The following GLRA1 variants were observed in gnomAD, a reference collection of about 807,000 sequenced individuals.
GLRA1 encodes glycine receptor alpha 1, also known as glycine receptor subunit alpha-1.
GLRA1 carries 37 observed loss-of-function variants against 48.3 expected under a neutral mutation model. That is an observed-to-expected ratio of 0.77 (90% CI 0.59 to 1.01). The LOEUF is 1.01. Ranked by LOEUF, GLRA1 falls within the 50% of genes least tolerant of loss-of-function variation. The pLI, the probability that GLRA1 is intolerant of heterozygous loss-of-function variation, is 0.00. For missense variants in GLRA1, 427 were observed against 571.0 expected (o/e 0.75, Z 2.57); for synonymous variants, 196 against 210.7 (o/e 0.93, Z 0.60).
At chr5:151,835,738 G>A (rs1561548987) in intron 7 of GLRA1, among the ~76,000 whole-genome samples, 1 of 152,124 alleles carries the variant, frequency 6.6e-6, no homozygotes, top group Non-Finnish European at 1.5e-5. Flanking sequence ...ATGCAGAAAA[G>A]GCCTTTGATA....
At chr5:151,869,650 G>A (rs1241500502) in intron 3 of GLRA1, among the ~76,000 whole-genome samples, 1 of 149,742 alleles carries the variant, frequency 6.7e-6, no homozygotes, top group Admixed American at 6.6e-5. Context: ...GGAAGGTGGT[G>A]GTTGCAGTGA....
At chr5:151,823,318 T>TA (rs895873951) in intron 8 of GLRA1, among the ~76,000 whole-genome samples, 46 of 152,314 alleles carry the variant, frequency 3.0e-4, no homozygotes, top group African/African-American at 1.1e-3. Flanking sequence ...ACCTGGGGGA[T>TA]AAGATTCTCC....
intron 1 of GLRA1, 151 bp downstream of exon 1, chr5:151,924,343 G>C (rs1231826828): frequency 6.0e-6 from 4 of 669,668 alleles, no homozygotes; most frequent in South Asian, 5.0e-5. Flanking sequence ...GGTGGGAGGG[G>C]GGAGAAGGGA....
rs567545446 is a variant in GLRA1 at position 151,918,912 on chromosome 5, A to G, written c.56+5582T>C. ...TGCATTAAAAAAAATCTATGAATCTATGAATTTACTCTGATTCTTCTCTTG... is the reference window on the plus strand; with the variant it reads ...TGCATTAAAAAAAATCTATGAATCTGTGAATTTACTCTGATTCTTCTCTTG... On this transcript the variant is annotated intron_variant, in intron 1 of 8. Coordinates refer to ENST00000274576, the MANE Select transcript of GLRA1 (RefSeq NM_000171.4). Among the ~76,000 whole-genome samples, 4 of 152,288 alleles carry G rather than the reference A, an allele frequency of 2.6e-5. No homozygotes were observed. The South Asian group carries it at 8.3e-4, about 32-fold the overall frequency.
chr5:151,844,025 C>T (rs929346263), intron 7 of GLRA1, among the ~76,000 whole-genome samples: 1 of 152,034 alleles, frequency 6.6e-6, no homozygotes, highest in Non-Finnish European at 1.5e-5. Flanking sequence ...CAAAAATTAG[C>T]CAGGTGTGGT....
At chr5:151,872,687 A>G (rs1481081432) in intron 3 of GLRA1, among the ~76,000 whole-genome samples, 1 of 150,000 alleles carries the variant, frequency 6.7e-6, no homozygotes, top group East Asian at 1.9e-4. Flanking sequence ...ATGTCTCCAT[A>G]CCATGGAATT....
At chr5:151,848,851 G>A (rs904229461) in intron 7 of GLRA1, 10 of 571,288 alleles carry the variant, frequency 1.8e-5, no homozygotes, top group African/African-American at 7.5e-5. Context: ...ACCTTTACCC[G>A]CCCGCCTGCT....
chr5:151,886,040 A>G (rs1753896250), intron 3 of GLRA1, among the ~76,000 whole-genome samples: 3 of 152,226 alleles, frequency 2.0e-5, no homozygotes, highest in African/African-American at 7.2e-5. Context: ...CTTCCTTAAC[A>G]TAAGTACAAT....
rs1174240284 is a variant in GLRA1, at chr5:151,894,963, A to G, written c.57-2525T>C. Among the ~76,000 whole-genome samples, 2 of 152,296 alleles carry G rather than the reference A, an allele frequency of 1.3e-5. 1 individual carries two copies. The highest frequency in any genetic ancestry group is 1.3e-4 in the Admixed American group (2 of 15,298). Reference sequence around the variant, plus strand: ...CTCATATCCTGGGGAACTAATTTTGATGGACAGGGTGAGGAACAAATGCAC... The same window carrying G: ...CTCATATCCTGGGGAACTAATTTTGGTGGACAGGGTGAGGAACAAATGCAC... On this transcript the variant is annotated intron_variant, in intron 1 of 8. Coordinates refer to ENST00000274576, the MANE Select transcript of GLRA1 (RefSeq NM_000171.4).
At chr5:151,878,998 T>C (rs1023369103) in intron 3 of GLRA1, among the ~76,000 whole-genome samples, 13 of 152,180 alleles carry the variant, frequency 8.5e-5, no homozygotes, top group Non-Finnish European at 1.5e-4. Context: ...GAATGGTAGA[T>C]CCACTGACAA....
intron 7 of GLRA1, among the ~76,000 whole-genome samples, chr5:151,835,027 CAAAAAA>C (rs60718344): frequency 4.4e-4 from 23 of 52,530 alleles, no homozygotes; most frequent in South Asian, 1.6e-3. Context: ...GACAACATCT[CAAAAAA>C]AAAAAAAAAA....
rs940800574 is a variant in GLRA1 at position 151,924,567 on chromosome 5, T to C, written c.-18A>G. ...CTGTACATTTTTCAGGTCCTTGTGC[T>C]TTGTAGTCCACGAGTTATGGGGGCA... On this transcript the variant is annotated 5_prime_UTR_variant, in exon 1 of 9. Coordinates refer to ENST00000274576, the MANE Select transcript of GLRA1 (RefSeq NM_000171.4). The C allele has an allele frequency of 9.0e-6, 14 of 1,551,868 alleles. No homozygotes were observed. Among genetic ancestry groups the C allele is most frequent in the Middle Eastern group, 3.4e-4 (2 of 5,960 alleles).
chr5:151,885,078 T>C (rs1367866623), intron 3 of GLRA1, among the ~76,000 whole-genome samples: 2 of 152,252 alleles, frequency 1.3e-5, no homozygotes, highest in Non-Finnish European at 2.9e-5. Flanking sequence ...GTCCTTTGAA[T>C]GTGGGAACAG....
At position 151,863,387 on chromosome 5, in the gene GLRA1, C is replaced by T. The variant is rs530554699; in HGVS notation, c.253-3379G>A. ...GCAGTGAACCATGATCATGACACTG[C>T]ACTCCAGCCTGGGTGACAGAGTGAG... On this transcript the variant is annotated intron_variant, in intron 3 of 8. Coordinates refer to ENST00000274576, the MANE Select transcript of GLRA1 (RefSeq NM_000171.4). 4.6e-5 allele frequency among the ~76,000 whole-genome samples: 7 copies of T among 152,252 alleles called. No individual in the cohort carries two copies. The South Asian group carries it at 1.5e-3, about 32-fold the overall frequency.
chr5:151,822,605 T>G lies in GLRA1; in HGVS notation c.*68A>C. ...CTCCCTCCGTTCCCCTTCTCTTCCT[T>G]AGTCTCTCAGATTCCTGTGCTATTC... On this transcript the variant is annotated 3_prime_UTR_variant, in exon 9 of 9. Transcript: ENST00000274576. 1.3e-5 allele frequency: 14 copies of G among 1,097,844 alleles called. No homozygotes were observed. Among genetic ancestry groups the G allele is most frequent in the Non-Finnish European group, 1.7e-5 (12 of 710,764 alleles). 68.0% of individuals were successfully genotyped at this position (1,097,844 alleles called of 1,614,324 possible).
At chr5:151,863,689 G>T (rs1260756617) in intron 3 of GLRA1, among the ~76,000 whole-genome samples, 1 of 152,090 alleles carries the variant, frequency 6.6e-6, no homozygotes, top group Non-Finnish European at 1.5e-5. Context: ...GAGGGTGCTG[G>T]ATAAATGAGG....
At chr5:151,849,016 C>T in intron 7 of GLRA1, 1 of 654,756 alleles carries the variant, frequency 1.5e-6, no homozygotes, top group Non-Finnish European at 2.9e-6. Context: ...GCTGCAAGAC[C>T]CAGACTCTGG....
chr5:151,856,056 G>C (rs538263086), intron 5 of GLRA1, among the ~76,000 whole-genome samples: 1 of 152,318 alleles, frequency 6.6e-6, no homozygotes, highest in Admixed American at 6.5e-5. Flanking sequence ...ATTTACCATA[G>C]ACATGGAACA....
At chr5:151,836,285 C>A (rs904166975) in intron 7 of GLRA1, among the ~76,000 whole-genome samples, 19 of 152,116 alleles carry the variant, frequency 1.2e-4, no homozygotes, top group African/African-American at 4.6e-4. Context: ...AACTACAAAC[C>A]ACTGCTCAAG....
Sources: gnomAD v4.1 joint callset for allele counts (sites outside exome capture counted in the v4.1 genomes callset) on GRCh38, gnomAD v4.1.1 for gene constraint, MANE v1.5 for transcripts, NCBI Gene and HGNC (gene_info 2026-07-23, HGNC 2026-07-21) for gene names.